TFAP2A: variants seen among roughly 807,000 people sequenced by gnomAD.
TFAP2A encodes transcription factor AP-2-alpha.
A neutral mutation model predicts 41.5 loss-of-function variants in TFAP2A; 7 were observed. That is an observed-to-expected ratio of 0.17 (90% CI 0.10 to 0.32). The LOEUF (loss-of-function observed/expected upper bound fraction) is 0.32. Ranked by LOEUF, TFAP2A falls within the 10% of genes least tolerant of loss-of-function variation. The pLI, the probability that TFAP2A is intolerant of heterozygous loss-of-function variation, is 1.00. For synonymous variants in TFAP2A, 247 were observed against 242.8 expected (o/e 1.02, Z -0.16); for missense variants, 416 against 563.3 (o/e 0.74, Z 2.65).
chr6:10,413,630 A>AC (rs948341954), intron 1 of TFAP2A, among the ~76,000 whole-genome samples: 12 of 151,272 alleles, frequency 7.9e-5, no homozygotes, highest in East Asian at 7.8e-4. Flanking sequence ...GCGCGACAGG[A>AC]CCCCCCCAGG....
At chr6:10,399,591 A>T (rs1581256807) in intron 6 of TFAP2A, among the ~76,000 whole-genome samples, 1 of 152,260 alleles carries the variant, frequency 6.6e-6, no homozygotes, top group Non-Finnish European at 1.5e-5. Flanking sequence ...AGGGGGATGA[A>T]TGAGGAGCCT....
chr6:10,401,670 C>CT (rs895205823), intron 5 of TFAP2A, among the ~76,000 whole-genome samples: 6 of 151,964 alleles, frequency 3.9e-5, no homozygotes, highest in Admixed American at 2.0e-4. Flanking sequence ...ATTAAAGTAA[C>CT]TTTTTTTTCC....
At chr6:10,401,158 G>T (rs1216984592) in intron 5 of TFAP2A, among the ~76,000 whole-genome samples, 1 of 152,142 alleles carries the variant, frequency 6.6e-6, no homozygotes, top group Admixed American at 6.5e-5. Context: ...CTCCAGCTCC[G>T]GAAGAACGCA....
At chr6:10,412,426 G>T (rs1758022194) in intron 1 of TFAP2A, 1 of 192,010 alleles carries the variant, frequency 5.2e-6, no homozygotes, top group Non-Finnish European at 9.6e-6. Flanking sequence ...GGGGAGAGGG[G>T]AGGGAGGGAA....
At chr6:10,414,879 AGAGG>A (rs1554113321) in intron 1 of TFAP2A, 58 bp downstream of exon 1, 1 of 1,604,900 alleles carries the variant, frequency 6.2e-7, no homozygotes, top group African/African-American at 1.3e-5. Flanking sequence ...GAGGAGGAGG[AGAGG>A]GAGGGTCAAG....
rs781698007 is a variant in TFAP2A, at chr6:10,398,373, G to T, written c.*44C>A. ...GTCACCCGCCGGAGGGTGGGCGCGC[G>T]GGGGGCTGGTGAGGCGTGGGAGGGG... On this transcript the variant is annotated 3_prime_UTR_variant, in exon 7 of 7. Coordinates refer to ENST00000379613, the MANE Select transcript of TFAP2A (RefSeq NM_001372066.1). This position sits in a 1 kb window ranked among gnomAD's most constrained non-coding sequence, Gnocchi z 5.3. 10 of 1,610,630 alleles carry T rather than the reference G, an allele frequency of 6.2e-6. No individual in the cohort carries two copies. Among genetic ancestry groups the T allele is most frequent in the South Asian group, 5.5e-5 (5 of 90,932 alleles).
In TFAP2A at chr6:10,398,836, C is replaced by T; in HGVS notation, c.1032-131G>A. ...GCCGGTACCTGACATGACCCAAGAC[C>T]CCAGAGACAGACAGTGTGGCCACAT... On this transcript the variant is annotated intron_variant, in intron 6 of 6. Transcript: ENST00000379613. This position sits in a 1 kb window ranked among gnomAD's most constrained non-coding sequence, Gnocchi z 5.3. 2 of 1,052,926 alleles carry T rather than the reference C, an allele frequency of 1.9e-6. No individual in the cohort carries two copies. Among genetic ancestry groups the T allele is most frequent in the Admixed American group, 2.4e-5 (1 of 40,930 alleles). 65.2% of individuals were successfully genotyped at this position (1,052,926 alleles called of 1,614,324 possible).
chr6:10,416,663 G>A (rs1050220103), upstream of TFAP2A, among the ~76,000 whole-genome samples: 1 of 152,122 alleles, frequency 6.6e-6, no homozygotes, highest in Non-Finnish European at 1.5e-5. Flanking sequence ...TATTTCCACC[G>A]GGCGTTCCTA....
At position 10,398,182 on chromosome 6, in the gene TFAP2A, G is replaced by T; in HGVS notation, c.*235C>A. On this transcript the variant is annotated 3_prime_UTR_variant, in exon 7 of 7. Coordinates refer to ENST00000379613, the MANE Select transcript of TFAP2A (RefSeq NM_001372066.1). This position sits in a 1 kb window ranked among gnomAD's most constrained non-coding sequence, Gnocchi z 5.3. ...TCCACATGAGGGCACAGGGGTGTGG[G>T]AGCGGGTGGGGAGGTCGAGGCGGGT... 6.9e-7 allele frequency: 1 copy of T among 1,444,062 alleles called. No homozygotes were observed. Among genetic ancestry groups the T allele is most frequent in the East Asian group, 2.5e-5 (1 of 39,676 alleles). 89.5% of individuals were successfully genotyped at this position (1,444,062 alleles called of 1,614,324 possible).
intron 1 of TFAP2A, 64 bp downstream of exon 1, chr6:10,414,877 G>C: frequency 6.2e-7 from 1 of 1,605,814 alleles, no homozygotes; most frequent in Non-Finnish European, 8.5e-7. Flanking sequence ...GAGAGGAGGA[G>C]GAGAGGGAGG....
At chr6:10,419,058 C>A (rs1052967952), upstream of TFAP2A, among the ~76,000 whole-genome samples, 4 of 152,164 alleles carry the variant, frequency 2.6e-5, no homozygotes, top group African/African-American at 9.7e-5. Context: ...CCTTCTCCCT[C>A]CCCCCTTCCG....
intron 2 of TFAP2A, among the ~76,000 whole-genome samples, chr6:10,408,524 C>T (rs3798694): frequency 0.078 from 11,921 of 152,270 alleles, 654 homozygotes; most frequent in Middle Eastern, 0.21. Flanking sequence ...AATCATAACT[C>T]CCAGTTCATG....
upstream of TFAP2A, among the ~76,000 whole-genome samples, chr6:10,417,820 G>A (rs1280277469): frequency 6.6e-6 from 1 of 152,084 alleles, no homozygotes; most frequent in Non-Finnish European, 1.5e-5. Context: ...CTGTGAGCCC[G>A]CAAGAGCCAG....
rs1406708427 is a variant in TFAP2A, at chr6:10,397,371, C to G, written c.*1046G>C. On this transcript the variant is annotated 3_prime_UTR_variant, in exon 7 of 7. Coordinates refer to ENST00000379613, the MANE Select transcript of TFAP2A (RefSeq NM_001372066.1). ...TACAATACATAGAAGGGTTATCAAA[C>G]CACTCAAGTTTCAAAATCTTTCCAG... The G allele has an allele frequency of 6.6e-6, 1 of 151,888 alleles. No homozygotes were observed. Among genetic ancestry groups the G allele is most frequent in the African/African-American group, 2.4e-5 (1 of 41,316 alleles). The allele number at this position is 151,888 out of a possible 1,614,324, so 9.4% of individuals were successfully genotyped here. A position where few individuals can be genotyped will look rare whatever the true frequency, so the allele number is the denominator to read the frequency against.
At chr6:10,414,066 C>T (rs757446896) in intron 1 of TFAP2A, among the ~76,000 whole-genome samples, 48 of 152,206 alleles carry the variant, frequency 3.2e-4, no homozygotes, top group Non-Finnish European at 5.9e-4. Flanking sequence ...GGGGACTCTG[C>T]GTTTTAAAAT....
At position 10,415,016 on chromosome 6, in the gene TFAP2A, C is replaced by T. The variant is rs905155664; in HGVS notation, c.-25G>A. The T allele has an allele frequency of 1.1e-5, 18 of 1,614,028 alleles. No homozygotes were observed. The East Asian group carries it at 3.8e-4, about 34-fold the overall frequency. On this transcript the variant is annotated 5_prime_UTR_variant, in exon 1 of 7. Coordinates refer to ENST00000379613, the MANE Select transcript of TFAP2A (RefSeq NM_001372066.1). ...TGGATCGGCGTGAACGGATATGCCC[C>T]TCTCGGTCTCGCACCCAAGTGGAGC...
intron 3 of TFAP2A, chr6:10,405,753 G>C (rs1013111901): frequency 6.6e-6 from 1 of 152,156 alleles, no homozygotes; most frequent in African/African-American, 2.4e-5. Context: ...TTCCTTATGC[G>C]TTCTTTAATG....
intron 2 of TFAP2A, chr6:10,407,233 G>T: frequency 3.7e-6 from 1 of 268,020 alleles, no homozygotes; most frequent in Non-Finnish European, 7.2e-6. Context: ...CAGTGTTCAG[G>T]CAGCGAAAGC....
At chr6:10,419,407 A>AC (rs772007223), upstream of TFAP2A, 18 of 1,612,160 alleles carry the variant, frequency 1.1e-5, no homozygotes, top group South Asian at 1.3e-4. Flanking sequence ...GCCAAGGCAA[A>AC]CCCCCCGTAC....
Sources: allele counts gnomAD v4.1 joint callset (sites outside exome capture counted in the v4.1 genomes callset), GRCh38; gene constraint gnomAD v4.1.1; non-coding constraint Gnocchi (gnomAD v3.1); transcripts MANE v1.5; gene names NCBI Gene and HGNC (gene_info 2026-07-23, HGNC 2026-07-21).